The following FBXO36 variants were observed in gnomAD, a reference collection of about 807,000 sequenced individuals.
FBXO36 encodes the protein F-box protein 36, also known as F-box only protein 36.
A neutral mutation model predicts 17.0 loss-of-function variants in FBXO36; 18 were observed. The observed-to-expected ratio is 1.06, with a 90% CI of 0.73 to 1.57. FBXO36 has a LOEUF of 1.57. FBXO36 is among the 40% of genes most tolerant of loss of function. FBXO36 has a pLI of 0.00. For synonymous variants in FBXO36, 83 were observed against 85.3 expected, an observed-to-expected ratio of 0.97 and a Z score of 0.15; for missense variants, 229 against 221.9, an observed-to-expected ratio of 1.03 and a Z score of -0.20.
chr2:229,954,318 C>T (rs1054450339), intron 1 of FBXO36, among the ~76,000 whole-genome samples: 1 of 137,526 alleles, frequency 7.3e-6, no homozygotes, highest in African/African-American at 2.7e-5. Context: ...TCTCAGCTCA[C>T]TGCAACCTCC....
chr2:229,926,350 G>A (rs1237343868), intron 1 of FBXO36, among the ~76,000 whole-genome samples: 1 of 151,428 alleles, frequency 6.6e-6, no homozygotes, highest in Non-Finnish European at 1.5e-5. Context: ...AGAATCGCTT[G>A]AACCCTGGAA....
chr2:229,989,820 G>A (rs532927766), intron 2 of FBXO36, among the ~76,000 whole-genome samples: 11 of 148,808 alleles, frequency 7.4e-5, no homozygotes, highest in East Asian at 4.0e-4. Flanking sequence ...TGATCCACCC[G>A]CCTCGGCCTC....
At chr2:229,965,975 A>G (rs2077150257) in intron 1 of FBXO36, among the ~76,000 whole-genome samples, 1 of 152,204 alleles carries the variant, frequency 6.6e-6, no homozygotes, top group Non-Finnish European at 1.5e-5. Context: ...CAATGGTTGA[A>G]CTAGTTTACA....
intron 3 of FBXO36, among the ~76,000 whole-genome samples, chr2:229,999,240 C>A (rs1434759797): frequency 6.7e-6 from 1 of 149,372 alleles, no homozygotes; most frequent in East Asian, 2.0e-4. Flanking sequence ...GATTCTTGTG[C>A]CTCAGCTTCC....
chr2:229,989,709 C>T (rs1462491852), intron 2 of FBXO36, among the ~76,000 whole-genome samples: 1 of 150,720 alleles, frequency 6.6e-6, no homozygotes, highest in African/African-American at 2.4e-5. Flanking sequence ...TACAGGCACC[C>T]ACCACCACGC....
In FBXO36 at chr2:229,977,945, T is replaced by G. The variant is rs937590471; in HGVS notation, c.205+1596T>G. ...GACTTTCTTCGACTAAACTCTTTAA[T>G]AATTACTCCTTAAAAATAAAAATTT... On this transcript the variant is annotated intron_variant, in intron 2 of 3. Coordinates refer to ENST00000283946, the MANE Select transcript of FBXO36 (RefSeq NM_174899.5). 2.0e-5 allele frequency among the ~76,000 whole-genome samples: 3 copies of G among 152,092 alleles called. No homozygotes were observed. In the East Asian group the frequency reaches 5.8e-4, roughly 29 times the overall value.
At chr2:229,928,630 C>T (rs191592178) in intron 1 of FBXO36, among the ~76,000 whole-genome samples, 3 of 152,248 alleles carry the variant, frequency 2.0e-5, no homozygotes, top group Admixed American at 6.5e-5. Context: ...TATTGAATAG[C>T]TTTGATAGCT....
chr2:229,973,705 GCAAGACTC>G (rs1388828966), intron 1 of FBXO36, among the ~76,000 whole-genome samples: 2 of 137,194 alleles, frequency 1.5e-5, no homozygotes, highest in Non-Finnish European at 3.1e-5. Context: ...TAGGGACAGA[GCAAGACTC>G]CATCTCAAAA....
chr2:229,981,240 A>G (rs2106198802), intron 2 of FBXO36, among the ~76,000 whole-genome samples: 1 of 152,302 alleles, frequency 6.6e-6, no homozygotes, highest in East Asian at 1.9e-4. Flanking sequence ...TGTAATCCCA[A>G]CTACTTGGGA....
chr2:229,991,349 C>T (rs1421683212), intron 2 of FBXO36, among the ~76,000 whole-genome samples: 1 of 152,140 alleles, frequency 6.6e-6, no homozygotes, highest in African/African-American at 2.4e-5. Context: ...AAACCCCTGA[C>T]TCCCAGTGTA....
At chr2:230,001,441 CTGT>C (rs2077358209) in intron 3 of FBXO36, among the ~76,000 whole-genome samples, 1 of 152,022 alleles carries the variant, frequency 6.6e-6, no homozygotes, top group Non-Finnish European at 1.5e-5. Context: ...GCACCCACCA[CTGT>C]GCCTGGCTAA....
chr2:229,929,201 T>C (rs2076926788), intron 1 of FBXO36, among the ~76,000 whole-genome samples: 1 of 151,956 alleles, frequency 6.6e-6, no homozygotes, highest in Non-Finnish European at 1.5e-5. Flanking sequence ...CCCAAAGTGC[T>C]GGGATTACAG....
rs551895983 is a variant in FBXO36 at position 229,945,506 on chromosome 2, A to G, written c.96+22897A>G. Among the ~76,000 whole-genome samples, 5 of 151,860 alleles carry G rather than the reference A, an allele frequency of 3.3e-5. No homozygotes were observed. The Middle Eastern group carries it at 0.01, about 310-fold the overall frequency. ...ATTTTTGATAGAGACGCATTTCACC[A>G]TGTTGGCCAGGCTGGTCTCAAACTC... On this transcript the variant is annotated intron_variant, in intron 1 of 3. Transcript: ENST00000283946.
intron 2 of FBXO36, among the ~76,000 whole-genome samples, chr2:229,993,948 A>G (rs1419356139): frequency 6.7e-6 from 1 of 148,594 alleles, no homozygotes; most frequent in African/African-American, 2.5e-5. Flanking sequence ...TTTGTTTTGT[A>G]TTTTTAGTAG....
Position 229,962,498 on chromosome 2 carries a change from T to TTTTTATTTTATTTTATTTTATTTTA in FBXO36, c.97-13715_97-13691dup, listed in dbSNP as rs150685147. ...GGCATGCACCACCACACCTAGTTGA[T>TTTTTATTTTATTTTATTTTATTTTA]TTTTATTTTATTTTATTTTATTTTA... On this transcript the variant is annotated intron_variant, in intron 1 of 3. Transcript: ENST00000283946. Among the ~76,000 whole-genome samples, 127 of 127,378 alleles carry TTTTTATTTTATTTTATTTTATTTTA rather than the reference T, an allele frequency of 1.0e-3. 3 individuals carry two copies. In the Middle Eastern group the frequency reaches 0.011, roughly 11 times the overall value. 83.6% of individuals were successfully genotyped at this position (127,378 alleles called of 152,430 possible). A position where few individuals can be genotyped will look rare whatever the true frequency, so the allele number is the denominator to read the frequency against.
chr2:229,926,250 C>G (rs1456170104), intron 1 of FBXO36, among the ~76,000 whole-genome samples: 1 of 149,848 alleles, frequency 6.7e-6, no homozygotes, highest in Admixed American at 6.6e-5. Flanking sequence ...GCCAACATGG[C>G]AAAACCCCAT....
At chr2:229,932,635 A>T (rs978016527) in intron 1 of FBXO36, 1 of 152,444 alleles carries the variant, frequency 6.6e-6, no homozygotes, top group African/African-American at 2.4e-5. Context: ...CCGAGATCGC[A>T]CTACTGCACT....
chr2:229,928,731 T>C (rs1315457360), intron 1 of FBXO36, among the ~76,000 whole-genome samples: 1 of 152,178 alleles, frequency 6.6e-6, no homozygotes, highest in East Asian at 1.9e-4. Flanking sequence ...AATTTTGCAA[T>C]TTTCCTTGCA....
rs1045495413 is a variant in FBXO36, at chr2:229,957,501, C to T, written c.97-18740C>T. Among the ~76,000 whole-genome samples, 4 of 152,092 alleles carry T rather than the reference C, an allele frequency of 2.6e-5. No homozygotes were observed. In the East Asian group the frequency reaches 5.8e-4, roughly 22 times the overall value. ...CTGAGGCAGGAGAATTGCTTGAACCCGGGATGCGGAGGTTGCAGTGAGCCG... is the reference window on the plus strand; with the variant it reads ...CTGAGGCAGGAGAATTGCTTGAACCTGGGATGCGGAGGTTGCAGTGAGCCG... On this transcript the variant is annotated intron_variant, in intron 1 of 3. Coordinates refer to ENST00000283946, the MANE Select transcript of FBXO36 (RefSeq NM_174899.5).
Sources: allele counts gnomAD v4.1 joint callset (sites outside exome capture counted in the v4.1 genomes callset), GRCh38; gene constraint gnomAD v4.1.1; transcripts MANE v1.5; gene names NCBI Gene and HGNC (gene_info 2026-07-23, HGNC 2026-07-21).